HTR2C: variants seen among roughly 807,000 people sequenced by gnomAD.
The protein encoded by HTR2C is 5-hydroxytryptamine (serotonin) receptor 2C, G protein-coupled.
Under a neutral mutation model 21.0 loss-of-function variants are expected in HTR2C, and 5 were observed. The observed-to-expected ratio is 0.24, with a 90% CI of 0.12 to 0.50. The LOEUF is 0.50. Among genes scored for constraint, HTR2C ranks in the 20% least tolerant of loss-of-function variants. The pLI is 0.98. For synonymous variants in HTR2C, 150 were observed against 145.3 expected (o/e 1.03, Z -0.23); for missense variants, 271 against 371.2 (o/e 0.73, Z 2.22).
chrX:114,703,830 GA>G (rs1473755303), intron 2 of HTR2C, among the ~76,000 whole-genome samples: 1 of 110,414 alleles, frequency 9.1e-6, no homozygotes, highest in African/African-American at 3.3e-5. Context: ...TAATAAAGAA[GA>G]AAAGAGAAGA....
At chrX:114,890,750 T>G (rs1253520654) in intron 5 of HTR2C, among the ~76,000 whole-genome samples, 1 of 112,078 alleles carries the variant, frequency 8.9e-6, no homozygotes, top group African/African-American at 3.2e-5. Flanking sequence ...TGTCTCTTCC[T>G]ACTTCTGCTT....
intron 2 of HTR2C, among the ~76,000 whole-genome samples, chrX:114,618,997 G>A (rs1391614736): frequency 8.1e-5 from 9 of 111,332 alleles, no homozygotes; most frequent in African/African-American, 2.9e-4. Flanking sequence ...ATATCCATTA[G>A]ATGTATACAT....
rs187306722 is a variant in HTR2C, at chrX:114,852,842, C to T, written c.550+4639C>T. 5.1e-4 allele frequency among the ~76,000 whole-genome samples: 55 copies of T among 108,074 alleles called. 1 individual carries two copies. The highest frequency in any genetic ancestry group is 1.0e-3 in the African/African-American group (31 of 29,664). 93.8% of individuals were successfully genotyped at this position (108,074 alleles called of 115,157 possible). A position where few individuals can be genotyped will look rare whatever the true frequency, so the allele number is the denominator to read the frequency against. ...TGTGTCTGTCTTGTGTGTTTGTGTGCGCGCGCGCGTGCATGTGTGTGTTTC... is the reference window on the plus strand; with the variant it reads ...TGTGTCTGTCTTGTGTGTTTGTGTGTGCGCGCGCGTGCATGTGTGTGTTTC... On this transcript the variant is annotated intron_variant, in intron 5 of 5. Coordinates refer to ENST00000276198, the MANE Select transcript of HTR2C (RefSeq NM_000868.4).
intron 5 of HTR2C, among the ~76,000 whole-genome samples, chrX:114,896,192 T>A (rs1556484064): frequency 8.9e-6 from 1 of 111,987 alleles, no homozygotes; most frequent in Non-Finnish European, 1.9e-5. Context: ...ATCTTATTTG[T>A]CATTAATTTC....
At chrX:114,603,550 T>G (rs139353720) in intron 1 of HTR2C, among the ~76,000 whole-genome samples, 4,286 of 104,033 alleles carry the variant, frequency 0.041, 278 homozygotes, top group African/African-American at 0.14. Context: ...TGAGAGATCA[T>G]TCGGACACGA....
intron 1 of HTR2C, among the ~76,000 whole-genome samples, chrX:114,613,127 C>T (rs191529538): frequency 1.7e-3 from 185 of 109,495 alleles, no homozygotes; most frequent in African/African-American, 5.9e-3. Context: ...TTAGTAGAGA[C>T]GGGGTTTGAT....
intron 4 of HTR2C, among the ~76,000 whole-genome samples, chrX:114,833,342 G>T (rs1370392826): frequency 1.9e-5 from 2 of 105,370 alleles, no homozygotes; most frequent in Admixed American, 1.0e-4. Context: ...GACTCTTTTT[G>T]GTTGGTAAAC....
intron 2 of HTR2C, among the ~76,000 whole-genome samples, chrX:114,678,747 T>C (rs991364057): frequency 9.0e-6 from 1 of 111,500 alleles, no homozygotes; most frequent in Non-Finnish European, 1.9e-5. Context: ...TCAGAAGATA[T>C]AGGAATTTTC....
At chrX:114,806,792 T>TAC (rs2070454393) in intron 4 of HTR2C, among the ~76,000 whole-genome samples, 1 of 94,841 alleles carries the variant, frequency 1.1e-5, no homozygotes, top group African/African-American at 4.0e-5. Flanking sequence ...ACCATATATA[T>TAC]ACCATATATA....
chrX:114,784,411 C>T (rs781839473), intron 4 of HTR2C, among the ~76,000 whole-genome samples: 1 of 111,153 alleles, frequency 9.0e-6, no homozygotes, highest in East Asian at 2.9e-4. Flanking sequence ...ACCACACATT[C>T]GTGGCTTAAA....
At chrX:114,709,759 C>T (rs998437944) in intron 2 of HTR2C, among the ~76,000 whole-genome samples, 2 of 110,800 alleles carry the variant, frequency 1.8e-5, no homozygotes, top group Non-Finnish European at 3.8e-5. Context: ...TCCTCTTCTC[C>T]TTCATTTGTT....
intron 2 of HTR2C, among the ~76,000 whole-genome samples, chrX:114,648,587 G>A (rs1325942947): frequency 9.0e-6 from 1 of 111,029 alleles, no homozygotes; most frequent in Non-Finnish European, 1.9e-5. Context: ...AATTAGCCAG[G>A]CATGGTGGCA....
At chrX:114,872,016 C>CTT (rs2071096647) in intron 5 of HTR2C, among the ~76,000 whole-genome samples, 1 of 80,964 alleles carries the variant, frequency 1.2e-5, no homozygotes, top group Non-Finnish European at 2.6e-5. Context: ...TTTTCCTTAA[C>CTT]TTTTATTTTA....
intron 1 of HTR2C, among the ~76,000 whole-genome samples, chrX:114,605,977 G>A (rs980309595): frequency 6.5e-5 from 7 of 107,020 alleles, no homozygotes; most frequent in Admixed American, 3.0e-4. Context: ...ACAGAGATAC[G>A]AGGTTGGGGT....
chrX:114,755,323 A>G (rs2069801749), intron 4 of HTR2C, among the ~76,000 whole-genome samples: 1 of 110,961 alleles, frequency 9.0e-6, no homozygotes, highest in African/African-American at 3.3e-5. Context: ...TTAAACTGAA[A>G]TCAACTTGTC....
At chrX:114,709,199 T>A (rs1189928195) in intron 2 of HTR2C, among the ~76,000 whole-genome samples, 1 of 112,257 alleles carries the variant, frequency 8.9e-6, no homozygotes. Context: ...TCTTTTATCA[T>A]TAAAAAGCGT....
intron 1 of HTR2C, among the ~76,000 whole-genome samples, chrX:114,593,738 G>T (rs944703794): frequency 1.6e-4 from 18 of 111,105 alleles, no homozygotes; most frequent in African/African-American, 5.6e-4. Context: ...GTCCTCCTCC[G>T]CCAAAAGAGA....
At chrX:114,617,886 TTAA>T (rs1460820603) in intron 2 of HTR2C, among the ~76,000 whole-genome samples, 2 of 111,828 alleles carry the variant, frequency 1.8e-5, no homozygotes, top group African/African-American at 6.5e-5. Flanking sequence ...AATAATTAGT[TTAA>T]TAATAACTAT....
chrX:114,778,603 G>A (rs1193648035), intron 4 of HTR2C, among the ~76,000 whole-genome samples: 1 of 110,595 alleles, frequency 9.0e-6, no homozygotes, highest in African/African-American at 3.3e-5. Context: ...CTTACAAATG[G>A]AAGTGCCTTC....
Sources: gnomAD v4.1 joint callset for allele counts (sites outside exome capture counted in the v4.1 genomes callset) on GRCh38, gnomAD v4.1.1 for gene constraint, MANE v1.5 for transcripts, NCBI Gene and HGNC (gene_info 2026-07-23, HGNC 2026-07-21) for gene names.